OR4F6: variants seen among roughly 807,000 people sequenced by gnomAD.
OR4F6 encodes olfactory receptor family 4 subfamily F member 6, also known as olfactory receptor 4F6.
A neutral mutation model predicts 15.9 loss-of-function variants in OR4F6; 13 were observed. That is an observed-to-expected ratio of 0.82 (90% CI 0.53 to 1.30). The LOEUF is 1.30. Ranked by LOEUF, OR4F6 falls within the 50% of genes most tolerant of loss-of-function variation. The pLI, the probability that OR4F6 is intolerant of heterozygous loss-of-function variation, is 0.00. For missense variants in OR4F6, 426 were observed against 367.2 expected (o/e 1.16, Z -1.31); for synonymous variants, 150 against 133.8 (o/e 1.12, Z -0.83).
rs760823312 is a variant in OR4F6 at position 101,806,088 on chromosome 15, T to C, written c.369T>C (p.Tyr123=). 3 of 1,614,214 alleles carry C rather than the reference T, an allele frequency of 1.9e-6. No homozygotes were observed. The highest frequency in any genetic ancestry group is 4.5e-5 in the East Asian group (2 of 44,884). Residue 123 remains tyrosine (Y), a synonymous_variant, in exon 2 of 2, where the codon TAT becomes TAC. Transcript: ENST00000328882. ...VLLIAMAFDR[Y]VAICKPLHYL... Reference sequence around the variant, plus strand: ...TCATAGCCATGGCTTTTGACCGATATGTGGCCATATGTAAGCCTCTCCACT... The same window carrying C: ...TCATAGCCATGGCTTTTGACCGATACGTGGCCATATGTAAGCCTCTCCACT...
At chr15:101,805,074 G>C (rs1373751993) in intron 1 of OR4F6, among the ~76,000 whole-genome samples, 6 of 152,110 alleles carry the variant, frequency 3.9e-5, no homozygotes, top group African/African-American at 9.7e-5. Flanking sequence ...TGCCCTTTAT[G>C]AATGTAAATG....
chr15:101,804,626 T>C (rs889364881), intron 1 of OR4F6, among the ~76,000 whole-genome samples: 1 of 152,168 alleles, frequency 6.6e-6, no homozygotes, highest in African/African-American at 2.4e-5. Flanking sequence ...TCTGTCTTCA[T>C]GGAAAAGATC....
chr15:101,806,354 T>A lies in OR4F6; in HGVS notation c.635T>A (p.Leu212Ter). ...NSGFISLASF[L>*]ILIISYIFIL... is the part of the protein sequence containing the mutation. ...GGATTTATTTCTCTGGCTTCTTTTT[T>A]AATTCTCATAATCTCTTACATCTTT... Residue 212 changes from leucine to a stop codon, truncating the protein, a stop_gained, in exon 2 of 2, where the codon TTA (leucine) becomes TAA (stop). Coordinates refer to ENST00000328882, the MANE Select transcript of OR4F6 (RefSeq NM_001005326.2). LOFTEE classifies it high-confidence loss of function. 6.2e-7 allele frequency: 1 copy of A among 1,614,186 alleles called. No individual in the cohort carries two copies. Among genetic ancestry groups the A allele is most frequent in the Non-Finnish European group, 8.5e-7 (1 of 1,180,004 alleles).
chr15:101,805,106 A>G (rs188790102), intron 1 of OR4F6, among the ~76,000 whole-genome samples: 48 of 152,360 alleles, frequency 3.2e-4, no homozygotes, highest in Non-Finnish European at 8.8e-5. Context: ...ATTATCATGC[A>G]AAAGTCTAAA....
Position 101,806,256 on chromosome 15 carries a change from T to G in OR4F6, c.537T>G (p.Cys179Trp). ...CGPNELDSFF[C>W]DLPRFIKLAC... The stretch of plus-strand genomic sequence containing the variant: ...CTAATGAATTAGATAGTTTCTTTTG[T>G]GATCTTCCTCGATTTATCAAACTGG... The change falls in exon 2 of 2, where the codon TGT (cysteine) becomes TGG (tryptophan). Residue 179 changes from cysteine (C) to tryptophan (W), a missense_variant. By Grantham distance (215) the Cys-to-Trp change is radical. Transcript: ENST00000328882. The G allele has an allele frequency of 6.2e-7, 1 of 1,613,936 alleles. No homozygotes were observed. The highest frequency in any genetic ancestry group is 8.5e-7 in the Non-Finnish European group (1 of 1,179,960).
Position 101,806,536 on chromosome 15 carries a change from A to G in OR4F6, c.817A>G (p.Ile273Val). ...ATCACATCTTGATAAATTCCTTGCC[A>G]TCTTTGATGCAGTTATCACTCCCGT... ...PTSHLDKFLA[I>V]FDAVITPVLN... The change falls in exon 2 of 2, where the codon ATC (isoleucine) becomes GTC (valine). Residue 273 changes from isoleucine (I) to valine (V), a missense_variant. Coordinates refer to ENST00000328882, the MANE Select transcript of OR4F6 (RefSeq NM_001005326.2). The G allele has an allele frequency of 1.2e-6, 2 of 1,613,848 alleles. No individual in the cohort carries two copies. Among genetic ancestry groups the G allele is most frequent in the South Asian group, 1.1e-5 (1 of 91,018 alleles).
At position 101,805,701 on chromosome 15, in the gene OR4F6, G is replaced by T. The variant is rs1445747052; in HGVS notation, c.-19G>T. 2.3e-5 allele frequency: 37 copies of T among 1,582,804 alleles called. No individual in the cohort carries two copies. Among genetic ancestry groups the T allele is most frequent in the Non-Finnish European group, 3.1e-5 (36 of 1,159,920 alleles). On this transcript the variant is annotated 5_prime_UTR_variant, in exon 2 of 2. Transcript: ENST00000328882. ...TCCTCTTTCAGTTAGCATGAGAGTT[G>T]TCACAGCCGACAGAGGCAATGGATG...
At position 101,806,115 on chromosome 15, in the gene OR4F6, C is replaced by T; in HGVS notation, c.396C>T (p.Tyr132=). The change falls in exon 2 of 2, where the codon TAC becomes TAT. Residue 132 remains tyrosine, a synonymous_variant. Coordinates refer to ENST00000328882, the MANE Select transcript of OR4F6 (RefSeq NM_001005326.2). Reference sequence around the variant, plus strand: ...TGGCCATATGTAAGCCTCTCCACTACCTGACCATCATGAACCCACAAAGGT... The same window carrying T: ...TGGCCATATGTAAGCCTCTCCACTATCTGACCATCATGAACCCACAAAGGT... ...RYVAICKPLH[Y]LTIMNPQRCI... is the part of the protein sequence containing the mutation. The T allele has an allele frequency of 6.2e-7, 1 of 1,614,192 alleles. No homozygotes were observed. Among genetic ancestry groups the T allele is most frequent in the Non-Finnish European group, 8.5e-7 (1 of 1,180,026 alleles).
chr15:101,805,775 A>G lies in OR4F6; in HGVS notation c.56A>G (p.Asp19Gly), dbSNP rs1338848660. Residue 19 changes from aspartate (D) to glycine (G), a missense_variant, in exon 2 of 2, where the codon GAC (aspartate) becomes GGC (glycine). Coordinates refer to ENST00000328882, the MANE Select transcript of OR4F6 (RefSeq NM_001005326.2). ...VSEFVFLGLSDSRKIQLLLFL... is the reference protein window; with the variant it reads ...VSEFVFLGLSGSRKIQLLLFL... ...GAGTTTGTGTTCCTGGGACTCTCTG[A>G]CTCGCGGAAGATCCAGCTCCTCCTC... is the stretch of plus-strand genomic sequence containing the variant. 6.2e-7 allele frequency: 1 copy of G among 1,614,008 alleles called. No homozygotes were observed. The highest frequency in any genetic ancestry group is 1.1e-5 in the South Asian group (1 of 91,070).
At chr15:101,805,215 AT>A in intron 1 of OR4F6, among the ~76,000 whole-genome samples, 1 of 152,300 alleles carries the variant, frequency 6.6e-6, no homozygotes, top group African/African-American at 2.4e-5. Context: ...TATTAACACT[AT>A]TAGTATAAAG....
chr15:101,806,808 C>G lies in OR4F6; in HGVS notation c.*150C>G, dbSNP rs1294962396. 2.0e-6 allele frequency: 1 copy of G among 507,438 alleles called. No individual in the cohort carries two copies. The highest frequency in any genetic ancestry group is 3.4e-6 in the Non-Finnish European group (1 of 293,294). The allele number at this position is 507,438 out of a possible 1,614,324, so 31.4% of individuals were successfully genotyped here. On this transcript the variant is annotated 3_prime_UTR_variant, in exon 2 of 2. Transcript: ENST00000328882. ...TTCTTCCCAAATTGAATTGTGGTAT[C>G]AATCTCTTGCTTATATAGGAGATTT... is the stretch of plus-strand genomic sequence containing the variant.
chr15:101,805,800 C>T lies in OR4F6; in HGVS notation c.81C>T (p.Leu27=). ...ACTCGCGGAAGATCCAGCTCCTCCT[C>T]TTCCTCTTTTTCTCAGTGTTCTATG... is the stretch of plus-strand genomic sequence containing the variant. The part of the protein sequence containing the change: ...LSDSRKIQLL[L]FLFFSVFYVS... The change falls in exon 2 of 2, where the codon CTC becomes CTT. Residue 27 remains leucine, a synonymous_variant. Transcript: ENST00000328882. 1.2e-6 allele frequency: 2 copies of T among 1,614,146 alleles called. No homozygotes were observed. The highest frequency in any genetic ancestry group is 1.7e-6 in the Non-Finnish European group (2 of 1,179,988).
At position 101,806,645 on chromosome 15, in the gene OR4F6, G is replaced by A. The variant is rs910738626; in HGVS notation, c.926G>A (p.Ser309Asn). 10 of 1,566,974 alleles carry A rather than the reference G, an allele frequency of 6.4e-6. No homozygotes were observed. Among genetic ancestry groups the A allele is most frequent in the Non-Finnish European group, 8.6e-6 (10 of 1,158,584 alleles). The stretch of plus-strand genomic sequence containing the variant: ...CGATGCTCTCAGTTTGTGAATTACA[G>A]TAAAATCTTTTAAATATATTGAGAA... ...RRRCSQFVNYSKIF is the reference protein window; with the variant it reads ...RRRCSQFVNYNKIF The change falls in exon 2 of 2, where the codon AGT becomes AAT. Residue 309 changes from serine (S) to asparagine (N), a missense_variant. Ser to Asn is a conservative substitution (Grantham distance 46). Coordinates refer to ENST00000328882, the MANE Select transcript of OR4F6 (RefSeq NM_001005326.2).
In OR4F6 at chr15:101,805,881, T is replaced by A; in HGVS notation, c.162T>A (p.Arg54=). Residue 54 remains arginine (R), a synonymous_variant, in exon 2 of 2, where the codon CGT becomes CGA. Transcript: ENST00000328882. The part of the protein sequence containing the change: ...LIVLTVTSDP[R]LQSPMYFLLA... ...TGCTAACTGTGACCTCTGACCCTCG[T>A]TTACAGTCCCCCATGTACTTCCTGC... is the stretch of plus-strand genomic sequence containing the variant. The A allele has an allele frequency of 6.2e-7, 1 of 1,614,174 alleles. No homozygotes were observed. The highest frequency in any genetic ancestry group is 8.5e-7 in the Non-Finnish European group (1 of 1,180,026).
At chr15:101,805,312 G>A (rs1465204650) in intron 1 of OR4F6, among the ~76,000 whole-genome samples, 1 of 152,142 alleles carries the variant, frequency 6.6e-6, no homozygotes, top group Non-Finnish European at 1.5e-5. Flanking sequence ...GGACTTCATG[G>A]AGAAAGGAAT....
At chr15:101,805,505 C>T (rs147881015) in intron 1 of OR4F6, among the ~76,000 whole-genome samples, 182 bp from the exon 2 acceptor site, 15 of 152,182 alleles carry the variant, frequency 9.9e-5, no homozygotes, top group Non-Finnish European at 1.5e-4. Context: ...TTCTGTGCAA[C>T]GTATTTTCTG....
rs1902799996 is a variant in OR4F6 at position 101,806,195 on chromosome 15, A to G, written c.476A>G (p.Gln159Arg). The G allele has an allele frequency of 6.2e-7, 1 of 1,614,032 alleles. No individual in the cohort carries two copies. Among genetic ancestry groups the G allele is most frequent in the Admixed American group, 1.7e-5 (1 of 60,012 alleles). The change falls in exon 2 of 2, where the codon CAG (glutamine) becomes CGG (arginine). Residue 159 changes from glutamine to arginine, a missense_variant. Physicochemically the swap from Gln to Arg is conservative, Grantham distance 43. Transcript: ENST00000328882. Reference sequence around the variant, plus strand: ...ATAGGTATTATTCACTCAGTGATTCAGTTGGCTTTTGTTGTAGACCTGCTG... The same window carrying G: ...ATAGGTATTATTCACTCAGTGATTCGGTTGGCTTTTGTTGTAGACCTGCTG... Reference protein sequence around the residue: ...WIIGIIHSVIQLAFVVDLLFC... With the variant: ...WIIGIIHSVIRLAFVVDLLFC...
Position 101,806,477 on chromosome 15 carries a change from C to A in OR4F6, c.758C>A (p.Pro253Gln). ...HVIVVVLVFGPLIFFYIFPFP... is the reference protein window; with the variant it reads ...HVIVVVLVFGQLIFFYIFPFP... ...ATTGTGGTGGTTTTGGTCTTTGGGCCATTAATCTTTTTCTATATTTTTCCA... is the reference window on the plus strand; with the variant it reads ...ATTGTGGTGGTTTTGGTCTTTGGGCAATTAATCTTTTTCTATATTTTTCCA... Residue 253 changes from proline to glutamine, a missense_variant, in exon 2 of 2, where the codon CCA becomes CAA. Transcript: ENST00000328882. The A allele has an allele frequency of 6.2e-7, 1 of 1,613,680 alleles. No homozygotes were observed. Among genetic ancestry groups the A allele is most frequent in the Non-Finnish European group, 8.5e-7 (1 of 1,179,938 alleles).
At chr15:101,803,989 GTCAAACATATTC>G (rs1204715580) in intron 1 of OR4F6, among the ~76,000 whole-genome samples, 1 of 152,212 alleles carries the variant, frequency 6.6e-6, no homozygotes, top group African/African-American at 2.4e-5. Flanking sequence ...GAAACCAAAA[GTCAAACATATTC>G]TGGATTTGCC....
Sources: allele counts gnomAD v4.1 joint callset (sites outside exome capture counted in the v4.1 genomes callset), GRCh38; gene constraint gnomAD v4.1.1; transcripts MANE v1.5; gene names NCBI Gene and HGNC (gene_info 2026-07-23, HGNC 2026-07-21).